Variants in VAV2 observed in about 807,000 individuals in gnomAD.
VAV2 encodes the protein vav guanine nucleotide exchange factor 2.
VAV2 carries 67 observed loss-of-function variants against 132.5 expected under a neutral mutation model. The ratio of observed to expected loss-of-function variants is 0.51; its 90% CI spans 0.42 to 0.62. VAV2 has a LOEUF of 0.62. VAV2 is among the 20% of genes least tolerant of loss of function. VAV2 has a pLI of 0.00. For missense variants in VAV2, 938 were observed against 1,153.6 expected, an observed-to-expected ratio of 0.81 and a Z score of 2.71; for synonymous variants, 492 against 443.5, an observed-to-expected ratio of 1.11 and a Z score of -1.37.
chr9:133,976,042 AAAG>A (rs202207549), intron 1 of VAV2, among the ~76,000 whole-genome samples: 22,098 of 103,828 alleles, frequency 0.21, 1,618 homozygotes, highest in East Asian at 0.36. Context: ...CTAAAAAAAA[AAAG>A]AAAATACAAA....
Position 133,944,251 on chromosome 9 carries a change from G to T in VAV2, c.205-5032C>A, listed in dbSNP as rs185155190. On this transcript the variant is annotated intron_variant, in intron 1 of 29. Coordinates refer to ENST00000371850, the MANE Select transcript of VAV2 (RefSeq NM_001134398.2). Reference sequence around the variant, plus strand: ...TTCAGCCTATGTGGGCCCTTCCACTGCCCCTTACTGGCAACGGGTCACCGG... The same window carrying T: ...TTCAGCCTATGTGGGCCCTTCCACTTCCCCTTACTGGCAACGGGTCACCGG... Among the ~76,000 whole-genome samples, 30 of 152,224 alleles carry T rather than the reference G, an allele frequency of 2.0e-4. No individual in the cohort carries two copies. In the East Asian group the frequency reaches 5.6e-3, roughly 29 times the overall value.
At position 133,929,505 on chromosome 9, in the gene VAV2, G is replaced by A. The variant is rs191877702; in HGVS notation, c.321+9598C>T. On this transcript the variant is annotated intron_variant, in intron 2 of 29. Coordinates refer to ENST00000371850, the MANE Select transcript of VAV2 (RefSeq NM_001134398.2). ...ATAGAGTGACAGCACATGCCAGGAGGTTCCACGGGGGTAGGGGGACCCAAG... is the reference window on the plus strand; with the variant it reads ...ATAGAGTGACAGCACATGCCAGGAGATTCCACGGGGGTAGGGGGACCCAAG... Among the ~76,000 whole-genome samples, 553 of 152,224 alleles carry A rather than the reference G, an allele frequency of 3.6e-3. 3 individuals carry two copies. The highest frequency in any genetic ancestry group is 0.012 in the African/African-American group (515 of 41,528).
intron 1 of VAV2, among the ~76,000 whole-genome samples, chr9:133,990,810 C>T (rs1271755190): frequency 6.6e-6 from 1 of 152,208 alleles, no homozygotes; most frequent in African/African-American, 2.4e-5. Flanking sequence ...TGACATCCTG[C>T]GGGAAGAGGC....
chr9:133,985,274 GTTT>G (rs1258724967), intron 1 of VAV2, among the ~76,000 whole-genome samples: 1 of 109,098 alleles, frequency 9.2e-6, no homozygotes, highest in Admixed American at 9.5e-5. Flanking sequence ...GTGTGTGTGT[GTTT>G]TGTTTTTGTT....
intron 29 of VAV2, among the ~76,000 whole-genome samples, chr9:133,764,927 GAATA>G (rs1314987531): frequency 1.3e-5 from 2 of 151,978 alleles, no homozygotes; most frequent in African/African-American, 2.4e-5. Context: ...ATCCTAAGCA[GAATA>G]AATAAAAAGA....
chr9:133,931,062 G>A (rs1375201349), intron 2 of VAV2, among the ~76,000 whole-genome samples: 2 of 152,246 alleles, frequency 1.3e-5, no homozygotes, highest in Non-Finnish European at 2.9e-5. Context: ...AGGCTGGAGT[G>A]AAGTGCACTG....
At chr9:133,877,655 C>T (rs986046614) in intron 2 of VAV2, among the ~76,000 whole-genome samples, 2 of 152,178 alleles carry the variant, frequency 1.3e-5, no homozygotes, top group Non-Finnish European at 2.9e-5. Context: ...AGCCTCACCC[C>T]AGAACCCCCC....
At chr9:133,920,698 G>A (rs1588372151) in intron 2 of VAV2, among the ~76,000 whole-genome samples, 1 of 152,152 alleles carries the variant, frequency 6.6e-6, no homozygotes, top group African/African-American at 2.4e-5. Context: ...CAGCTGCTCG[G>A]CTCAAGGCGG....
intron 2 of VAV2, among the ~76,000 whole-genome samples, chr9:133,938,246 C>T (rs567624117): frequency 6.6e-6 from 1 of 152,340 alleles, no homozygotes; most frequent in Non-Finnish European, 1.5e-5. Context: ...CTAGAGGCAG[C>T]CCAACAGCAG....
intron 12 of VAV2, 84 bp from the exon 13 acceptor site, chr9:133,791,953 GGT>G: frequency 3.0e-6 from 1 of 336,302 alleles, no homozygotes; most frequent in East Asian, 6.0e-5. Flanking sequence ...TACTGGGTGG[GGT>G]GTGTGTGCAT....
At chr9:133,895,547 C>T (rs931104262) in intron 2 of VAV2, among the ~76,000 whole-genome samples, 2 of 152,104 alleles carry the variant, frequency 1.3e-5, no homozygotes, top group African/African-American at 4.8e-5. Context: ...CAGCCAGGCA[C>T]AGGGACAATC....
chr9:133,848,382 A>C (rs1203584156), intron 3 of VAV2, among the ~76,000 whole-genome samples: 3 of 152,104 alleles, frequency 2.0e-5, no homozygotes, highest in African/African-American at 7.2e-5. Flanking sequence ...GATGGTGGTT[A>C]CTTCCTGGCA....
intron 1 of VAV2, among the ~76,000 whole-genome samples, chr9:133,943,996 C>G (rs2519111): frequency 0.7 from 105,660 of 151,784 alleles, 36,844 homozygotes; most frequent in East Asian, 0.8. Context: ...GGAGAGGCGG[C>G]GCAGGGCCGG....
At chr9:133,925,284 T>C (rs1421909641) in intron 2 of VAV2, among the ~76,000 whole-genome samples, 1 of 152,198 alleles carries the variant, frequency 6.6e-6, no homozygotes, top group East Asian at 1.9e-4. Flanking sequence ...TGGCACAATC[T>C]TGGGACACTG....
rs1281880727 is a variant in VAV2, at chr9:133,926,670, TCGAACCCCAGCA to T, written c.321+12421_321+12432del. Among the ~76,000 whole-genome samples, 9 of 152,144 alleles carry T rather than the reference TCGAACCCCAGCA, an allele frequency of 5.9e-5. No homozygotes were observed. In the South Asian group the frequency reaches 1.9e-3, roughly 32 times the overall value. ...CACCTGGTGAACTGCAGCTCACATC[TCGAACCCCAGCA>T]CCTCCTCCAGGAAGCCCTCCTTGAC... On this transcript the variant is annotated intron_variant, in intron 2 of 29. Coordinates refer to ENST00000371850, the MANE Select transcript of VAV2 (RefSeq NM_001134398.2). The surrounding 1 kb of genome is among the most constrained non-coding windows in gnomAD (Gnocchi z 4.3).
intron 2 of VAV2, among the ~76,000 whole-genome samples, chr9:133,891,183 G>T (rs888429186): frequency 6.7e-6 from 1 of 149,058 alleles, no homozygotes; most frequent in Non-Finnish European, 1.5e-5. Context: ...GCCAGGGCCC[G>T]GCACTCACGC....
At chr9:133,815,858 T>A (rs973629867) in intron 4 of VAV2, among the ~76,000 whole-genome samples, 2 of 152,194 alleles carry the variant, frequency 1.3e-5, no homozygotes, top group African/African-American at 4.8e-5. Context: ...AAAATTCCAC[T>A]AGGACTGGAA....
intron 1 of VAV2, among the ~76,000 whole-genome samples, chr9:133,939,941 C>T (rs1351948580): frequency 6.6e-6 from 1 of 152,240 alleles, no homozygotes; most frequent in Admixed American, 6.5e-5. Context: ...AGTGAGCTCT[C>T]GGCCCTCACT....
chr9:133,788,362 C>G lies in VAV2; in HGVS notation c.1399G>C (p.Val467Leu), dbSNP rs150924742. The G allele has an allele frequency of 3.0e-5, 48 of 1,605,858 alleles. No individual in the cohort carries two copies. The African/African-American group carries it at 4.9e-4, about 17-fold the overall frequency. ...GACCCGGAAGGCCCCACCTTCTTGA[C>G]GTCCTTGTTGTTCATGGGGTCGTCG... is the stretch of plus-strand genomic sequence containing the variant. Reference protein sequence around the residue: ...MTDDPMNNKDVKKSHGKMWSY... With the variant: ...MTDDPMNNKDLKKSHGKMWSY... The change falls in exon 15 of 30, where the codon GTC becomes CTC. Residue 467 changes from valine (V) to leucine (L), a missense_variant. Coordinates refer to ENST00000371850, the MANE Select transcript of VAV2 (RefSeq NM_001134398.2). The surrounding 1 kb of genome is among the most constrained non-coding windows in gnomAD (Gnocchi z 5.3).
Sources: allele counts gnomAD v4.1 joint callset (sites outside exome capture counted in the v4.1 genomes callset), GRCh38; gene constraint gnomAD v4.1.1; non-coding constraint Gnocchi (gnomAD v3.1); transcripts MANE v1.5; gene names NCBI Gene and HGNC (gene_info 2026-07-23, HGNC 2026-07-21).